Variants in TMTC2 observed in about 807,000 individuals in gnomAD.
TMTC2 encodes the protein protein O-mannosyl-transferase TMTC2.
TMTC2 carries 43 observed loss-of-function variants against 82.4 expected under a neutral mutation model. That is an observed-to-expected ratio of 0.52 (90% CI 0.41 to 0.67). The LOEUF is 0.67. Among genes scored for constraint, TMTC2 ranks in the 30% least tolerant of loss-of-function variants. The pLI is 0.00. For missense variants in TMTC2, 919 were observed against 1,012.4 expected (o/e 0.91, Z 1.25); for synonymous variants, 408 against 381.9 (o/e 1.07, Z -0.80).
At chr12:82,919,050 C>G (rs1221292533) in intron 3 of TMTC2, among the ~76,000 whole-genome samples, 1 of 152,216 alleles carries the variant, frequency 6.6e-6, no homozygotes, top group African/African-American at 2.4e-5. Flanking sequence ...GCCACCACAC[C>G]CAGCCTCTTT....
chr12:82,924,348 C>T (rs1875574507), intron 3 of TMTC2, among the ~76,000 whole-genome samples: 1 of 152,148 alleles, frequency 6.6e-6, no homozygotes, highest in African/African-American at 2.4e-5. Context: ...ATTCATATAG[C>T]AAGAGAGGAG....
At chr12:82,937,927 T>TTTA (rs1876488992) in intron 4 of TMTC2, among the ~76,000 whole-genome samples, 1 of 89,166 alleles carries the variant, frequency 1.1e-5, no homozygotes, top group African/African-American at 3.1e-5. Flanking sequence ...TTTTTATTTT[T>TTTA]TTTTTTTGAG....
intron 1 of TMTC2, among the ~76,000 whole-genome samples, chr12:82,821,412 A>G (rs1165932537): frequency 2.0e-5 from 3 of 152,222 alleles, no homozygotes; most frequent in Non-Finnish European, 4.4e-5. Context: ...GTTGGTAATG[A>G]CTAATGATAA....
intron 1 of TMTC2, among the ~76,000 whole-genome samples, chr12:82,811,833 T>TC (rs1491197884): frequency 7.7e-4 from 103 of 133,802 alleles, no homozygotes; most frequent in Middle Eastern, 4.1e-3. Context: ...TTTTTTTTTT[T>TC]CTGAGATGGA....
chr12:82,967,061 T>A (rs1878245869), intron 7 of TMTC2, 64 bp downstream of exon 7: 3 of 1,257,008 alleles, frequency 2.4e-6, no homozygotes, highest in Non-Finnish European at 3.4e-6. Flanking sequence ...CAGGAACCCA[T>A]GTTCGTGTTT....
At chr12:83,030,930 TTGA>T (rs1358213747) in intron 9 of TMTC2, 51 bp downstream of exon 9, 1 of 1,343,238 alleles carries the variant, frequency 7.4e-7, no homozygotes, top group Non-Finnish European at 1.1e-6. Flanking sequence ...ACTATTAATG[TTGA>T]TATGAGATCT....
At chr12:82,738,277 C>G (rs1875220334) in intron 1 of TMTC2, among the ~76,000 whole-genome samples, 1 of 152,182 alleles carries the variant, frequency 6.6e-6, no homozygotes, top group Non-Finnish European at 1.5e-5. Context: ...TCTATCTTTA[C>G]TGATGATGAA....
At chr12:82,786,732 G>A (rs950946796) in intron 1 of TMTC2, among the ~76,000 whole-genome samples, 1 of 152,100 alleles carries the variant, frequency 6.6e-6, no homozygotes, top group Non-Finnish European at 1.5e-5. Flanking sequence ...TTTGAAGAGA[G>A]TGTCTCCAGC....
At chr12:83,086,400 T>C (rs900860787) in intron 11 of TMTC2, among the ~76,000 whole-genome samples, 5 of 152,214 alleles carry the variant, frequency 3.3e-5, no homozygotes, top group Admixed American at 1.3e-4. Context: ...GTGATTCTAA[T>C]GTGCAGTTAA....
At chr12:83,032,170 A>C (rs1448785204) in intron 9 of TMTC2, among the ~76,000 whole-genome samples, 2 of 149,370 alleles carry the variant, frequency 1.3e-5, no homozygotes, top group Non-Finnish European at 3.0e-5. Flanking sequence ...TTTTCCCACT[A>C]TCTGCTGTCT....
intron 9 of TMTC2, among the ~76,000 whole-genome samples, chr12:83,041,321 G>A (rs1334954048): frequency 1.3e-5 from 2 of 152,272 alleles, no homozygotes; most frequent in East Asian, 3.9e-4. Flanking sequence ...CAGCCCTACT[G>A]CAGATTATCT....
intron 2 of TMTC2, among the ~76,000 whole-genome samples, chr12:82,875,767 G>C (rs991013486): frequency 6.6e-6 from 1 of 151,976 alleles, no homozygotes; most frequent in Non-Finnish European, 1.5e-5. Flanking sequence ...AATTTAGCTT[G>C]TGGTGTTAGG....
At chr12:82,747,764 C>A (rs900756051) in intron 1 of TMTC2, among the ~76,000 whole-genome samples, 9 of 152,046 alleles carry the variant, frequency 5.9e-5, no homozygotes, top group Non-Finnish European at 1.3e-4. Context: ...TACTTAAATA[C>A]GTTTAGCACT....
chr12:82,949,975 A>G (rs75459050), intron 4 of TMTC2, among the ~76,000 whole-genome samples: 2 of 152,190 alleles, frequency 1.3e-5, no homozygotes, highest in East Asian at 1.9e-4. Context: ...AGATGCTTAC[A>G]TGTTGGGAAG....
At chr12:83,077,291 C>T (rs1433986511) in intron 11 of TMTC2, among the ~76,000 whole-genome samples, 1 of 152,174 alleles carries the variant, frequency 6.6e-6, no homozygotes, top group Non-Finnish European at 1.5e-5. Flanking sequence ...GGAGGATAGG[C>T]ACTTTCTTAT....
At chr12:83,049,346 T>C (rs531824329) in intron 9 of TMTC2, among the ~76,000 whole-genome samples, 1 of 152,274 alleles carries the variant, frequency 6.6e-6, no homozygotes, top group African/African-American at 2.4e-5. Context: ...CTCGTGTCCA[T>C]TGTTCCCTTT....
chr12:82,814,623 A>G (rs1189766887), intron 1 of TMTC2, among the ~76,000 whole-genome samples: 3 of 152,182 alleles, frequency 2.0e-5, no homozygotes, highest in Non-Finnish European at 4.4e-5. Context: ...AACCAGAATT[A>G]CCAATCATGA....
chr12:82,861,419 T>C (rs1372100252), intron 2 of TMTC2, among the ~76,000 whole-genome samples: 1 of 152,254 alleles, frequency 6.6e-6, no homozygotes, highest in Non-Finnish European at 1.5e-5. Flanking sequence ...TGGGAGTTTA[T>C]ATTCTGTTAA....
At chr12:82,752,686 C>A (rs1020181563) in intron 1 of TMTC2, among the ~76,000 whole-genome samples, 1 of 151,470 alleles carries the variant, frequency 6.6e-6, no homozygotes, top group Non-Finnish European at 1.5e-5. Flanking sequence ...ATAACATCAT[C>A]ATGTATCTTA....
Sources: gnomAD v4.1 joint callset for allele counts (sites outside exome capture counted in the v4.1 genomes callset) on GRCh38, gnomAD v4.1.1 for gene constraint, MANE v1.5 for transcripts, NCBI Gene and HGNC (gene_info 2026-07-23, HGNC 2026-07-21) for gene names.